The following LYST variants were observed in gnomAD, a reference collection of about 807,000 sequenced individuals.
LYST encodes the protein lysosomal-trafficking regulator.
A neutral mutation model predicts 413.6 loss-of-function variants in LYST; 192 were observed. The ratio of observed to expected loss-of-function variants is 0.46; its 90% CI spans 0.41 to 0.52. The LOEUF is 0.52. Among genes scored for constraint, LYST ranks in the 20% least tolerant of loss-of-function variants. The pLI is 0.00. For synonymous variants in LYST, 1,525 were observed against 1,567.3 expected (o/e 0.97, Z 0.64); for missense variants, 3,815 against 4,499.9 (o/e 0.85, Z 4.35).
At chr1:235,781,389 C>T (rs1395579395) in intron 15 of LYST, among the ~76,000 whole-genome samples, 1 of 152,026 alleles carries the variant, frequency 6.6e-6, no homozygotes, top group Non-Finnish European at 1.5e-5. Flanking sequence ...TCTTGGTAAA[C>T]TCCATTTCTA....
intron 50 of LYST, among the ~76,000 whole-genome samples, chr1:235,668,919 T>G (rs189675898): frequency 4.6e-5 from 7 of 152,368 alleles, no homozygotes; most frequent in Non-Finnish European, 2.9e-5. Context: ...CATGACATTA[T>G]TTTACAACTG....
intron 1 of LYST, among the ~76,000 whole-genome samples, chr1:235,862,261 T>C (rs1311236845): frequency 2.6e-5 from 4 of 152,232 alleles, no homozygotes; most frequent in Non-Finnish European, 5.9e-5. Context: ...TGTTTCTGTT[T>C]TCCTCACCCC....
intron 10 of LYST, among the ~76,000 whole-genome samples, chr1:235,793,844 A>G (rs1322275244): frequency 6.6e-6 from 1 of 151,926 alleles, no homozygotes; most frequent in East Asian, 1.9e-4. Context: ...TATTATTATT[A>G]TTATTTTAGA....
At chr1:235,805,147 T>C (rs1235946076) in intron 6 of LYST, among the ~76,000 whole-genome samples, 1 of 152,194 alleles carries the variant, frequency 6.6e-6, no homozygotes, top group Non-Finnish European at 1.5e-5. Context: ...CTAGATTCCT[T>C]TTTAGTTGAG....
intron 1 of LYST, among the ~76,000 whole-genome samples, chr1:235,880,284 A>G (rs371278737): frequency 6.6e-6 from 1 of 152,266 alleles, no homozygotes; most frequent in East Asian, 1.9e-4. Context: ...AAAAAAACTC[A>G]GCAGGCTTGC....
chr1:235,684,536 C>A (rs1660060944), intron 48 of LYST, among the ~76,000 whole-genome samples: 1 of 152,154 alleles, frequency 6.6e-6, no homozygotes, highest in South Asian at 2.1e-4. Flanking sequence ...AATTAACATT[C>A]ATTTTAAGCC....
chr1:235,757,338 A>G lies in LYST; in HGVS notation c.7002T>C (p.Asp2334=). The G allele has an allele frequency of 2.5e-6, 4 of 1,613,770 alleles. No homozygotes were observed. The highest frequency in any genetic ancestry group is 3.4e-6 in the Non-Finnish European group (4 of 1,179,796). ...GGTGGTTAACGAGGACCAAAAGTGT[A>G]TCTGCTTGAATAAGCTTGTCCATCA... is the stretch of plus-strand genomic sequence containing the variant. ...EDVMDKLIQA[D]TLLVLVNHPS... Residue 2334 remains aspartate, a synonymous_variant, in exon 24 of 53, where the codon GAT becomes GAC. Coordinates refer to ENST00000389793, the MANE Select transcript of LYST (RefSeq NM_000081.4).
intron 3 of LYST, among the ~76,000 whole-genome samples, chr1:235,813,897 G>A (rs753751664): frequency 6.6e-6 from 1 of 152,154 alleles, no homozygotes; most frequent in Non-Finnish European, 1.5e-5. Flanking sequence ...AGAGGGGGTC[G>A]CATGATGACA....
intron 20 of LYST, among the ~76,000 whole-genome samples, chr1:235,769,266 T>A (rs576120361): frequency 1.5e-4 from 23 of 152,126 alleles, no homozygotes; most frequent in African/African-American, 5.5e-4. Context: ...AAGAATACCA[T>A]GTACTCTGAG....
In LYST at chr1:235,777,460, A is replaced by G. The variant is rs868370536; in HGVS notation, c.5215-152T>C. 3 of 672,918 alleles carry G rather than the reference A, an allele frequency of 4.5e-6. No homozygotes were observed. The African/African-American group carries it at 5.4e-5, about 12-fold the overall frequency. 41.7% of individuals were successfully genotyped at this position (672,918 alleles called of 1,614,324 possible). ...CTACTACACTAAACAGATAAACATT[A>G]GAAGCAAGGCTGTTTCCCACAAAGC... On this transcript the variant is annotated intron_variant, in intron 16 of 52. Coordinates refer to ENST00000389793, the MANE Select transcript of LYST (RefSeq NM_000081.4).
In LYST at chr1:235,794,822, T is replaced by C. The variant is rs911375063; in HGVS notation, c.4007-1210A>G. 3.3e-5 allele frequency among the ~76,000 whole-genome samples: 5 copies of C among 152,200 alleles called. 1 individual carries two copies. Among genetic ancestry groups the C allele is most frequent in the African/African-American group, 1.2e-4 (5 of 41,444 alleles). ...AAGGTTTTTAAGTAGGAAAATAATA[T>C]GATCAGTGTGTGTGCTTACTTTTTT... On this transcript the variant is annotated intron_variant, in intron 10 of 52. Coordinates refer to ENST00000389793, the MANE Select transcript of LYST (RefSeq NM_000081.4).
chr1:235,758,815 T>C (rs542042839), intron 23 of LYST, among the ~76,000 whole-genome samples, 157 bp downstream of exon 23: 1 of 152,314 alleles, frequency 6.6e-6, no homozygotes, highest in East Asian at 1.9e-4. Flanking sequence ...TAAGGAAAAA[T>C]ATATCTTTCT....
intron 23 of LYST, among the ~76,000 whole-genome samples, chr1:235,758,037 A>C (rs1667211571): frequency 2.0e-5 from 3 of 152,210 alleles, no homozygotes; most frequent in Admixed American, 6.5e-5. Flanking sequence ...CAAGTGTGAA[A>C]ATAAAACCTC....
rs1381166552 is a variant in LYST at position 235,686,245 on chromosome 1, T to C, written c.10800+704A>G. Among the ~76,000 whole-genome samples the C allele has an allele frequency of 1.3e-5, 2 of 152,148 alleles. No individual in the cohort carries two copies. Among genetic ancestry groups the C allele is most frequent in the African/African-American group, 4.8e-5 (2 of 41,434 alleles). On this transcript the variant is annotated intron_variant, in intron 48 of 52. Transcript: ENST00000389793. The surrounding 1 kb of genome is among the most constrained non-coding windows in gnomAD (Gnocchi z 4.0). ...GGCCGGGCGTGGTGGCACATGCCTG[T>C]GGTCCCAGCTACTCGAGAGGCTGAG...
chr1:235,841,371 G>A (rs2103047961), intron 1 of LYST, among the ~76,000 whole-genome samples: 1 of 152,178 alleles, frequency 6.6e-6, no homozygotes, highest in Middle Eastern at 3.4e-3. Flanking sequence ...GTATTTTTAG[G>A]CTATAAGAAA....
Position 235,746,321 on chromosome 1 carries a change from A to T in LYST, c.7972+15T>A, listed in dbSNP as rs1665922537. ...TTAAAATCTGAGGAAAAACAAACTA[A>T]TCCTATAGTCTTACCTTGATAAATA... On this transcript the variant is annotated intron_variant, in intron 29 of 52. Coordinates refer to ENST00000389793, the MANE Select transcript of LYST (RefSeq NM_000081.4). 6.2e-7 allele frequency: 1 copy of T among 1,608,706 alleles called. No individual in the cohort carries two copies.
At chr1:235,749,428 A>T (rs1251530463) in intron 28 of LYST, among the ~76,000 whole-genome samples, 1 of 152,096 alleles carries the variant, frequency 6.6e-6, no homozygotes, top group Non-Finnish European at 1.5e-5. Context: ...TTCTTGAGAG[A>T]GACTTCAGAG....
intron 25 of LYST, among the ~76,000 whole-genome samples, chr1:235,754,731 G>A (rs1666842765): frequency 6.6e-6 from 1 of 152,060 alleles, no homozygotes; most frequent in Non-Finnish European, 1.5e-5. Flanking sequence ...TTTTCTAAAG[G>A]TGACCAAAAG....
At chr1:235,698,121 G>A (rs527301379) in intron 45 of LYST, among the ~76,000 whole-genome samples, 2 of 152,146 alleles carry the variant, frequency 1.3e-5, no homozygotes, top group South Asian at 4.2e-4. Context: ...ATCCTCTACT[G>A]AACTCTTCTT....
Sources: gnomAD v4.1 joint callset for allele counts (sites outside exome capture counted in the v4.1 genomes callset) on GRCh38, gnomAD v4.1.1 for gene constraint, Gnocchi (gnomAD v3.1) non-coding constraint, MANE v1.5 for transcripts, NCBI Gene and HGNC (gene_info 2026-07-23, HGNC 2026-07-21) for gene names.